Variants in BTBD7 observed in about 807,000 individuals in gnomAD.
BTBD7 encodes the protein BTB domain containing 7.
In BTBD7, 38 loss-of-function variants were observed where a neutral mutation model predicts 99.9. The observed-to-expected ratio is 0.38, with a 90% confidence interval of 0.29 to 0.50. The LOEUF is 0.50. Among genes scored for constraint, BTBD7 ranks in the 20% least tolerant of loss-of-function variants. BTBD7 has a pLI of 0.93. For synonymous variants in BTBD7, 520 were observed against 511.4 expected, an observed-to-expected ratio of 1.02 and a Z score of -0.23; for missense variants, 1,170 against 1,394.6, an observed-to-expected ratio of 0.84 and a Z score of 2.57.
chr14:93,300,919 GGT>G (rs919919282), intron 1 of BTBD7, among the ~76,000 whole-genome samples: 3 of 151,574 alleles, frequency 2.0e-5, no homozygotes, highest in African/African-American at 7.3e-5. Flanking sequence ...CCAGCTGGAA[GGT>G]ATTTCCATAC....
chr14:93,331,434 G>A (rs2053406377), intron 1 of BTBD7, among the ~76,000 whole-genome samples: 3 of 152,054 alleles, frequency 2.0e-5, no homozygotes, highest in African/African-American at 7.2e-5. Flanking sequence ...AAGTTTTTCT[G>A]ACTCCAAAAT....
At chr14:93,244,093 G>A in intron 10 of BTBD7, 4 of 483,782 alleles carry the variant, frequency 8.3e-6, no homozygotes, top group Non-Finnish European at 1.2e-5. Context: ...GTAGAGGAAG[G>A]GCAAGGATTC....
intron 3 of BTBD7, among the ~76,000 whole-genome samples, chr14:93,267,227 T>A (rs2052552633): frequency 6.6e-6 from 1 of 152,154 alleles, no homozygotes; most frequent in Non-Finnish European, 1.5e-5. Context: ...TTTAAACTGC[T>A]GAGGTTTACA....
chr14:93,314,830 T>C (rs1326499896), intron 1 of BTBD7, among the ~76,000 whole-genome samples: 1 of 152,232 alleles, frequency 6.6e-6, no homozygotes, highest in Admixed American at 6.5e-5. Flanking sequence ...GGAAAAATTA[T>C]GCCATTGCTA....
At chr14:93,287,834 G>A (rs1296175324) in intron 3 of BTBD7, 2 of 152,186 alleles carry the variant, frequency 1.3e-5, no homozygotes, top group Non-Finnish European at 2.9e-5. Flanking sequence ...CTTTGTTCTT[G>A]GTTTGCTTCG....
chr14:93,242,174 G>A lies in BTBD7; in HGVS notation c.*99C>T, dbSNP rs375684238. 1 of 1,068,386 alleles carries A rather than the reference G, an allele frequency of 9.4e-7. No individual in the cohort carries two copies. Among genetic ancestry groups the A allele is most frequent in the African/African-American group, 1.6e-5 (1 of 63,018 alleles). The allele number at this position is 1,068,386 out of a possible 1,614,324, so 66.2% of individuals were successfully genotyped here. A position where few individuals can be genotyped will look rare whatever the true frequency, so the allele number is the denominator to read the frequency against. The stretch of plus-strand genomic sequence containing the variant: ...CTAGAACAAAATCATGTGAAACCGA[G>A]TTATCAGCTGGCATTGATGAACTGG... On this transcript the variant is annotated 3_prime_UTR_variant, in exon 11 of 11. Coordinates refer to ENST00000334746, the MANE Select transcript of BTBD7 (RefSeq NM_001002860.4).
chr14:93,260,353 A>C (rs2052473682), intron 5 of BTBD7, among the ~76,000 whole-genome samples: 1 of 152,174 alleles, frequency 6.6e-6, no homozygotes, highest in Non-Finnish European at 1.5e-5. Flanking sequence ...TTCAGTACAT[A>C]AAGGAATACA....
At chr14:93,270,206 C>T (rs551978333) in intron 3 of BTBD7, among the ~76,000 whole-genome samples, 1 of 152,272 alleles carries the variant, frequency 6.6e-6, no homozygotes, top group South Asian at 2.1e-4. Context: ...AGCAATTCTA[C>T]TGCCTCAGCC....
At chr14:93,252,977 C>T (rs1595288579) in intron 7 of BTBD7, among the ~76,000 whole-genome samples, 1 of 152,170 alleles carries the variant, frequency 6.6e-6, no homozygotes, top group African/African-American at 2.4e-5. Context: ...TGCACGCCAC[C>T]ACAACTGGCT....
intron 3 of BTBD7, among the ~76,000 whole-genome samples, chr14:93,281,770 T>C (rs1034102621): frequency 1.3e-5 from 2 of 152,228 alleles, no homozygotes; most frequent in Non-Finnish European, 2.9e-5. Context: ...TAATAAGGAT[T>C]TGGGAAAAGC....
At chr14:93,318,438 G>A (rs1405131749) in intron 1 of BTBD7, among the ~76,000 whole-genome samples, 1 of 152,150 alleles carries the variant, frequency 6.6e-6, no homozygotes, top group African/African-American at 2.4e-5. Context: ...TTTATTTAAT[G>A]TACTTTGTAT....
rs2052898411 is a variant in BTBD7 at position 93,294,422 on chromosome 14, G to GT, written c.597dup (p.His200ThrfsTer25). 1 of 1,614,030 alleles carries GT rather than the reference G, an allele frequency of 6.2e-7. No homozygotes were observed. Among genetic ancestry groups the GT allele is most frequent in the Non-Finnish European group, 8.5e-7 (1 of 1,180,040 alleles). ...CCAAACTCTCCTGTATAAAGGTAGTGTAACAAAGCAGAAAACATGGGCATA... is the reference window on the plus strand; with the variant it reads ...CCAAACTCTCCTGTATAAAGGTAGTGTTAACAAAGCAGAAAACATGGGCATA... On this transcript the variant is annotated frameshift_variant, in exon 3 of 11. Transcript: ENST00000334746. LOFTEE classifies it high-confidence loss of function.
intron 3 of BTBD7, among the ~76,000 whole-genome samples, chr14:93,275,065 A>G (rs7147384): frequency 0.014 from 2,141 of 152,326 alleles, 24 homozygotes; most frequent in Middle Eastern, 0.034. Context: ...AAAGGGGTGT[A>G]CAAAAGGCTA....
chr14:93,273,169 T>C (rs1247644791), intron 3 of BTBD7, among the ~76,000 whole-genome samples: 2 of 152,130 alleles, frequency 1.3e-5, no homozygotes, highest in Non-Finnish European at 2.9e-5. Context: ...CCCCTGCACA[T>C]AGTAGCATGA....
intron 1 of BTBD7, among the ~76,000 whole-genome samples, chr14:93,310,072 C>T (rs778925425): frequency 2.6e-4 from 39 of 152,232 alleles, no homozygotes; most frequent in Non-Finnish European, 4.7e-4. Flanking sequence ...CTCAAGTGAT[C>T]CTCCTGCCTC....
At chr14:93,258,948 A>T (rs2052459876) in intron 5 of BTBD7, among the ~76,000 whole-genome samples, 1 of 152,226 alleles carries the variant, frequency 6.6e-6, no homozygotes, top group Non-Finnish European at 1.5e-5. Context: ...ATCTGCCCCA[A>T]ATAAATGACA....
At chr14:93,284,607 G>A (rs1246613800) in intron 3 of BTBD7, among the ~76,000 whole-genome samples, 2 of 151,946 alleles carry the variant, frequency 1.3e-5, no homozygotes, top group Admixed American at 6.6e-5. Flanking sequence ...CACAACTTTG[G>A]GAGCATACAA....
Position 93,245,851 on chromosome 14 carries a change from C to T in BTBD7, c.2557G>A (p.Ala853Thr). Residue 853 changes from alanine to threonine, a missense_variant, in exon 10 of 11, where the codon GCA (alanine) becomes ACA (threonine). By Grantham distance (58) the Ala-to-Thr change is moderately conservative. Transcript: ENST00000334746. The part of the protein sequence containing the change: ...ATTTSTATAA[A>T]AAASEKQVRT... ...ACTTGCTTCTCAGATGCTGCTGCTG[C>T]TGCTGCTGTTGCTGTTGAGGTGGTG... The T allele has an allele frequency of 4.3e-6, 7 of 1,613,370 alleles. No homozygotes were observed. The highest frequency in any genetic ancestry group is 5.9e-6 in the Non-Finnish European group (7 of 1,179,606).
At chr14:93,278,315 G>A (rs1374990539) in intron 3 of BTBD7, among the ~76,000 whole-genome samples, 1 of 152,232 alleles carries the variant, frequency 6.6e-6, no homozygotes, top group Admixed American at 6.5e-5. Flanking sequence ...TTGGGAAGCT[G>A]AGGTAGGAGA....
Sources: allele counts gnomAD v4.1 joint callset (sites outside exome capture counted in the v4.1 genomes callset), GRCh38; gene constraint gnomAD v4.1.1; transcripts MANE v1.5; gene names NCBI Gene and HGNC (gene_info 2026-07-23, HGNC 2026-07-21).